The following SP110 variants were observed in gnomAD, a reference collection of about 807,000 sequenced individuals.
SP110 encodes the protein interferon-induced protein 41, 30kD.
In SP110, 62 loss-of-function variants were observed where a neutral mutation model predicts 92.7. That is an observed-to-expected ratio of 0.67 (90% confidence interval 0.55 to 0.83). The LOEUF is 0.83. Ranked by LOEUF, SP110 falls within the 40% of genes least tolerant of loss-of-function variation. The probability of loss-of-function intolerance (pLI) is 0.00; values close to 1 mark genes in which losing one functional copy is unlikely to be tolerated. For synonymous variants in SP110, 273 were observed against 305.3 expected, an observed-to-expected ratio of 0.89 and a Z score of 1.10; for missense variants, 793 against 863.9, an observed-to-expected ratio of 0.92 and a Z score of 1.03.
In SP110 at chr2:230,165,370, C is replaced by T. The variant is rs2078296316; in HGVS notation, c.*3754G>A. Among the ~76,000 whole-genome samples, 1 of 152,148 alleles carries T rather than the reference C, an allele frequency of 6.6e-6. No homozygotes were observed. Among genetic ancestry groups the T allele is most frequent in the African/African-American group, 2.4e-5 (1 of 41,424 alleles). On this transcript the variant is annotated 3_prime_UTR_variant, in exon 19 of 19. Transcript: ENST00000258381. ...AAAAGGAAGTATGGAGAAGTCGTGTCAAGAAAAGACCAGCAGGGAATCTTA... is the reference window on the plus strand; with the variant it reads ...AAAAGGAAGTATGGAGAAGTCGTGTTAAGAAAAGACCAGCAGGGAATCTTA...
chr2:230,178,071 G>A, intron 13 of SP110, 86 bp downstream of exon 13: 3 of 837,424 alleles, frequency 3.6e-6, no homozygotes, highest in Non-Finnish European at 6.1e-6. Context: ...TCCATTTCCT[G>A]ATCAATTACA....
intron 1 of SP110, chr2:230,225,397 G>C (rs1197325416): frequency 3.7e-6 from 1 of 268,696 alleles, no homozygotes; most frequent in African/African-American, 2.3e-5. Context: ...TCCAGCCCAG[G>C]CTCACTAAGG....
At position 230,211,726 on chromosome 2, in the gene SP110, C is replaced by G. The variant is rs907643170; in HGVS notation, c.668-173G>C. Among the ~76,000 whole-genome samples, 8 of 152,246 alleles carry G rather than the reference C, an allele frequency of 5.3e-5. No homozygotes were observed. The East Asian group carries it at 1.4e-3, about 26-fold the overall frequency. On this transcript the variant is annotated intron_variant, in intron 5 of 18. Transcript: ENST00000258381. The surrounding 1 kb of genome is among the most constrained non-coding windows in gnomAD (Gnocchi z 4.2). ...TAAGCAACCATTCACTCTCAATTAG[C>G]CACTTGTTCTTCCATTGCTGTTAGC...
intron 12 of SP110, among the ~76,000 whole-genome samples, chr2:230,180,793 G>A (rs1365206706): frequency 6.6e-6 from 1 of 152,174 alleles, no homozygotes; most frequent in African/African-American, 2.4e-5. Flanking sequence ...GATGCTGAGG[G>A]ACAACTGTCA....
At chr2:230,209,347 G>A (rs1245246153) in intron 7 of SP110, among the ~76,000 whole-genome samples, 1 of 152,152 alleles carries the variant, frequency 6.6e-6, no homozygotes, top group Non-Finnish European at 1.5e-5. Flanking sequence ...TGTGTACCCT[G>A]AAGGCATCTA....
chr2:230,182,440 C>G (rs544436586), intron 12 of SP110, among the ~76,000 whole-genome samples: 2 of 151,394 alleles, frequency 1.3e-5, no homozygotes, highest in African/African-American at 4.8e-5. Flanking sequence ...ACATCCTGCA[C>G]ATGTATCCTG....
chr2:230,215,009 C>T lies in SP110; in HGVS notation c.257G>A (p.Ser86Asn). ...FNLSLLVTLF[S>N]QINLREYPNL... ...GGGATATTCACGCAGGTTAATTTGACTGAACAATGTCACCAGAAGAGACAG... is the reference window on the plus strand; with the variant it reads ...GGGATATTCACGCAGGTTAATTTGATTGAACAATGTCACCAGAAGAGACAG... The change falls in exon 3 of 19, where the codon AGT becomes AAT. Residue 86 changes from serine (S) to asparagine (N), a missense_variant. Physicochemically the swap from Ser to Asn is conservative, Grantham distance 46. Coordinates refer to ENST00000258381, the MANE Select transcript of SP110 (RefSeq NM_080424.4). 1 of 1,614,010 alleles carries T rather than the reference C, an allele frequency of 6.2e-7. No individual in the cohort carries two copies. Among genetic ancestry groups the T allele is most frequent in the South Asian group, 1.1e-5 (1 of 91,088 alleles).
At chr2:230,196,192 A>T (rs888380770) in intron 10 of SP110, among the ~76,000 whole-genome samples, 2 of 152,226 alleles carry the variant, frequency 1.3e-5, no homozygotes, top group Non-Finnish European at 2.9e-5. Context: ...TTAACCAAGT[A>T]AGCTTGTGTT....
chr2:230,187,893 A>C (rs1045926292), intron 10 of SP110, among the ~76,000 whole-genome samples: 2 of 152,162 alleles, frequency 1.3e-5, no homozygotes, highest in African/African-American at 4.8e-5. Flanking sequence ...TGGTAACTAT[A>C]GCCTTGTAGT....
At position 230,181,702 on chromosome 2, in the gene SP110, AG is replaced by A. The variant is rs1422148642; in HGVS notation, c.1348+1869del. 3.3e-5 allele frequency among the ~76,000 whole-genome samples: 5 copies of A among 152,380 alleles called. No homozygotes were observed. The South Asian group carries it at 1.0e-3, about 32-fold the overall frequency. ...TGCGGCCAATAAAGATATGAAAAAA[AG>A]CTCCACATCACTGAGCATTAGAGAG... On this transcript the variant is annotated intron_variant, in intron 12 of 18. Transcript: ENST00000258381.
At chr2:230,202,295 C>T (rs545934939) in intron 9 of SP110, among the ~76,000 whole-genome samples, 103 of 152,194 alleles carry the variant, frequency 6.8e-4, no homozygotes, top group African/African-American at 2.3e-3. Flanking sequence ...TCCTTAGGGT[C>T]CTCAATAATT....
At chr2:230,176,407 T>C in intron 14 of SP110, 1 of 1,316,684 alleles carries the variant, frequency 7.6e-7, no homozygotes, top group Non-Finnish European at 9.8e-7. Context: ...GAGCATTTTA[T>C]TTCTGACACC....
At chr2:230,216,971 C>G (rs368598678) in intron 1 of SP110, 43 bp from the exon 2 acceptor site, 1 of 1,580,596 alleles carries the variant, frequency 6.3e-7, no homozygotes, top group Non-Finnish European at 8.6e-7. Flanking sequence ...AAAGGCTGGG[C>G]GCGGTGGCTC....
At chr2:230,193,742 A>C (rs1313793646) in intron 10 of SP110, among the ~76,000 whole-genome samples, 1 of 152,134 alleles carries the variant, frequency 6.6e-6, no homozygotes, top group African/African-American at 2.4e-5. Flanking sequence ...TCATCCTTGC[A>C]AATAGTAAAG....
chr2:230,222,829 TG>T (rs2045932266), upstream of SP110, among the ~76,000 whole-genome samples: 1 of 149,392 alleles, frequency 6.7e-6, no homozygotes, highest in African/African-American at 2.5e-5. Flanking sequence ...ATTAGTTTCG[TG>T]TGTATTAAAG....
At chr2:230,190,095 T>C (rs12171526) in intron 10 of SP110, among the ~76,000 whole-genome samples, 1 of 152,310 alleles carries the variant, frequency 6.6e-6, no homozygotes, top group East Asian at 1.9e-4. Flanking sequence ...TGTCAAATGG[T>C]ATTTCTGGTT....
intron 8 of SP110, 110 bp from the exon 9 acceptor site, chr2:230,202,838 A>T (rs2043316263): frequency 1.0e-6 from 1 of 982,222 alleles, no homozygotes; most frequent in African/African-American, 1.6e-5. Flanking sequence ...ACTCTTTCAG[A>T]TCTCTGTACC....
At chr2:230,224,960 T>C (rs549688472), upstream of SP110, among the ~76,000 whole-genome samples, 2 of 152,254 alleles carry the variant, frequency 1.3e-5, no homozygotes, top group Admixed American at 6.5e-5. Flanking sequence ...TTTTGTAAAT[T>C]GTTTCAAATC....
chr2:230,223,984 TG>T (rs923315186), upstream of SP110, among the ~76,000 whole-genome samples: 1 of 152,192 alleles, frequency 6.6e-6, no homozygotes, highest in Non-Finnish European at 1.5e-5. Flanking sequence ...GAACCAGAGA[TG>T]GTCTGATGGT....
Sources: allele counts gnomAD v4.1 joint callset (sites outside exome capture counted in the v4.1 genomes callset), GRCh38; gene constraint gnomAD v4.1.1; non-coding constraint Gnocchi (gnomAD v3.1); transcripts MANE v1.5; gene names NCBI Gene and HGNC (gene_info 2026-07-23, HGNC 2026-07-21).